ABR: variants seen among roughly 807,000 people sequenced by gnomAD.
ABR encodes active breakpoint cluster region-related protein.
A neutral mutation model predicts 107.2 loss-of-function variants in ABR; 35 were observed. The observed-to-expected ratio is 0.33, with a 90% confidence interval of 0.25 to 0.43. The LOEUF is 0.43. Ranked by LOEUF, ABR falls within the 20% of genes least tolerant of loss-of-function variation. The probability of loss-of-function intolerance (pLI) is 1.00; values close to 1 mark genes in which losing one functional copy is unlikely to be tolerated. For synonymous variants in ABR, 498 were observed against 462.0 expected (o/e 1.08, Z -1.00); for missense variants, 815 against 1,115.2 (o/e 0.73, Z 3.83).
At chr17:1,030,671 G>A (rs557809232) in intron 16 of ABR, among the ~76,000 whole-genome samples, 1 of 152,354 alleles carries the variant, frequency 6.6e-6, no homozygotes, top group Non-Finnish European at 1.5e-5. Flanking sequence ...CGTCCTGGCT[G>A]ATGCCAGGAG....
chr17:1,023,828 C>T (rs2071924968), intron 16 of ABR, among the ~76,000 whole-genome samples: 1 of 152,062 alleles, frequency 6.6e-6, no homozygotes, highest in South Asian at 2.1e-4. Context: ...AGTTCGAGAC[C>T]AGCCTGGCCA....
At chr17:1,098,809 G>A (rs1364485483) in intron 3 of ABR, among the ~76,000 whole-genome samples, 1 of 152,200 alleles carries the variant, frequency 6.6e-6, no homozygotes, top group Non-Finnish European at 1.5e-5. Context: ...TGCACATTCA[G>A]AGTTTCACTC....
At position 1,120,568 on chromosome 17, in the gene ABR, C is replaced by T. The variant is rs192281110; in HGVS notation, c.246+4615G>A. 2.9e-3 allele frequency among the ~76,000 whole-genome samples: 435 copies of T among 152,290 alleles called. 1 individual carries two copies. The highest frequency in any genetic ancestry group is 5.2e-3 in the Admixed American group (79 of 15,296). On this transcript the variant is annotated intron_variant, in intron 2 of 22. Coordinates refer to ENST00000302538, the MANE Select transcript of ABR (RefSeq NM_021962.5). ...TGCTGGGATGACAGGCGTGAGCCAC[C>T]GCACCCGGCCAATGGTGAGGATTTC...
At chr17:1,220,612 A>G (rs971284365) in intron 1 of ABR, among the ~76,000 whole-genome samples, 1 of 152,120 alleles carries the variant, frequency 6.6e-6, no homozygotes, top group Non-Finnish European at 1.5e-5. Context: ...ATCTGCCCCA[A>G]CACCTGGACG....
At chr17:1,056,268 C>T (rs1420077711) in intron 13 of ABR, among the ~76,000 whole-genome samples, 159 bp from the exon 14 acceptor site, 7 of 152,036 alleles carry the variant, frequency 4.6e-5, no homozygotes, top group Admixed American at 3.3e-4. Flanking sequence ...AAGGCCACGG[C>T]GGCCTTATAT....
intron 12 of ABR, among the ~76,000 whole-genome samples, chr17:1,057,308 T>TGTGTGTG (rs1567668733): frequency 1.2e-4 from 8 of 67,962 alleles, no homozygotes; most frequent in African/African-American, 2.8e-4. Flanking sequence ...CTGAAGAGGT[T>TGTGTGTG]TGTGTGTGTG....
chr17:1,142,395 G>C (rs1458208656), intron 1 of ABR, among the ~76,000 whole-genome samples: 1 of 151,960 alleles, frequency 6.6e-6, no homozygotes, highest in Non-Finnish European at 1.5e-5. Context: ...GACCAGCCTG[G>C]CCAACATAGA....
chr17:1,058,347 C>G (rs993964297), intron 11 of ABR, among the ~76,000 whole-genome samples: 2 of 152,124 alleles, frequency 1.3e-5, no homozygotes, highest in African/African-American at 2.4e-5. Context: ...GCCATGTTGG[C>G]CAGGCTGGTC....
At chr17:1,156,008 C>T (rs1440415292) in intron 1 of ABR, 2 of 150,420 alleles carry the variant, frequency 1.3e-5, no homozygotes, top group African/African-American at 4.9e-5. Flanking sequence ...TGACCAGATC[C>T]TGCTGGCCAT....
At chr17:1,187,787 G>A (rs1044486767), upstream of ABR, among the ~76,000 whole-genome samples, 21 of 151,756 alleles carry the variant, frequency 1.4e-4, no homozygotes, top group Middle Eastern at 3.4e-3. Context: ...CCAGCTACTC[G>A]GGAGGCTGAG....
At position 1,078,710 on chromosome 17, in the gene ABR, C is replaced by CT; in HGVS notation, c.700+619dup. ...CAGGTCCAGCCGCTCGCCCACCCTC[C>CT]TTCCCTGCGGCCCTCTAACCTCCCC... On this transcript the variant is annotated intron_variant, in intron 6 of 22. Coordinates refer to ENST00000302538, the MANE Select transcript of ABR (RefSeq NM_021962.5). This position sits in a 1 kb window ranked among gnomAD's most constrained non-coding sequence, Gnocchi z 7.5. 3 of 1,237,922 alleles carry CT rather than the reference C, an allele frequency of 2.4e-6. No individual in the cohort carries two copies. The allele number at this position is 1,237,922 out of a possible 1,614,324, so 76.7% of individuals were successfully genotyped here.
Position 1,067,232 on chromosome 17 carries a change from G to C in ABR, c.1027C>G (p.Gln343Glu), listed in dbSNP as rs376427826. The part of the protein sequence containing the change: ...LKKTSAGKHQ[Q>E]YDCKWYIPLA... ...GGGATGTACCACTTACAGTCATACT[G>C]CTGGTGCTTCCTGCAAACGAGCCAG... is the stretch of plus-strand genomic sequence containing the variant. Residue 343 changes from glutamine (Q) to glutamate (E), a missense_variant, in exon 10 of 23, where the codon CAG becomes GAG. By Grantham distance (29) the Gln-to-Glu change is conservative. Transcript: ENST00000302538. 6.3e-7 allele frequency: 1 copy of C among 1,590,314 alleles called. No homozygotes were observed. Among genetic ancestry groups the C allele is most frequent in the Non-Finnish European group, 8.6e-7 (1 of 1,169,556 alleles).
rs968468468 is a variant in ABR, at chr17:1,081,472, G to A, written c.639+2048C>T. 9.2e-5 allele frequency among the ~76,000 whole-genome samples: 14 copies of A among 152,340 alleles called. No homozygotes were observed. In the East Asian group the frequency reaches 2.5e-3, roughly 27 times the overall value. ...CATCTGCTCCATGGGTCTGGGAGAA[G>A]AAACTATGGTCAGCCATCCTCTCTC... On this transcript the variant is annotated intron_variant, in intron 5 of 22. Transcript: ENST00000302538.
Position 1,105,057 on chromosome 17 carries a change from G to A in ABR, c.247-4322C>T, listed in dbSNP as rs376352117. Among the ~76,000 whole-genome samples, 25 of 140,480 alleles carry A rather than the reference G, an allele frequency of 1.8e-4. No individual in the cohort carries two copies. The South Asian group carries it at 5.0e-3, about 28-fold the overall frequency. The allele number at this position is 140,480 out of a possible 152,430, so 92.2% of individuals were successfully genotyped here. On this transcript the variant is annotated intron_variant, in intron 2 of 22. Coordinates refer to ENST00000302538, the MANE Select transcript of ABR (RefSeq NM_021962.5). Reference sequence around the variant, plus strand: ...AGAGTCTCACTGTGTCACCCAGGCTGGAGTGCAGTGGCAGGATCTTGGCTC... The same window carrying A: ...AGAGTCTCACTGTGTCACCCAGGCTAGAGTGCAGTGGCAGGATCTTGGCTC...
At chr17:1,089,926 C>T (rs980395052) in intron 4 of ABR, among the ~76,000 whole-genome samples, 9 of 152,202 alleles carry the variant, frequency 5.9e-5, no homozygotes, top group African/African-American at 2.2e-4. Flanking sequence ...CGCCACTGCA[C>T]TCCAGCCTGG....
intron 1 of ABR, among the ~76,000 whole-genome samples, chr17:1,225,018 G>A (rs889127400): frequency 4.6e-5 from 7 of 151,562 alleles, no homozygotes; most frequent in Admixed American, 6.6e-5. Flanking sequence ...GCGTGGTGGC[G>A]GGCACCTGTA....
intron 13 of ABR, 82 bp from the exon 14 acceptor site, chr17:1,056,191 G>A (rs988014438): frequency 2.6e-5 from 32 of 1,228,406 alleles, no homozygotes; most frequent in East Asian, 2.1e-4. Flanking sequence ...GGAGGCAGAC[G>A]GGGTATGAGA....
At chr17:1,111,861 G>A (rs1233912619) in intron 2 of ABR, among the ~76,000 whole-genome samples, 1 of 152,166 alleles carries the variant, frequency 6.6e-6, no homozygotes, top group Non-Finnish European at 1.5e-5. Flanking sequence ...CACCTGCCCC[G>A]GCCACTGGGT....
intron 5 of ABR, among the ~76,000 whole-genome samples, chr17:1,083,113 GA>G (rs1470337757): frequency 8.8e-6 from 1 of 113,604 alleles, no homozygotes; most frequent in African/African-American, 3.5e-5. Flanking sequence ...GACAGAGCAA[GA>G]CTCTGTCTCA....
Sources: gnomAD v4.1 joint callset for allele counts (sites outside exome capture counted in the v4.1 genomes callset) on GRCh38, gnomAD v4.1.1 for gene constraint, Gnocchi (gnomAD v3.1) non-coding constraint, MANE v1.5 for transcripts, NCBI Gene and HGNC (gene_info 2026-07-23, HGNC 2026-07-21) for gene names.